Variants in TMEM132D observed in about 807,000 individuals in gnomAD.
TMEM132D encodes mature OL transmembrane protein.
TMEM132D carries 21 observed loss-of-function variants against 62.3 expected under a neutral mutation model. That is an observed-to-expected ratio of 0.34 (90% confidence interval 0.24 to 0.49). TMEM132D has a LOEUF of 0.49. Ranked by LOEUF, TMEM132D falls within the 20% of genes least tolerant of loss-of-function variation. TMEM132D has a pLI of 0.99. For missense variants in TMEM132D, 1,346 were observed against 1,402.8 expected (o/e 0.96, Z 0.65); for synonymous variants, 621 against 575.6 (o/e 1.08, Z -1.13).
chr12:129,687,447 A>C (rs1215111688), intron 2 of TMEM132D, among the ~76,000 whole-genome samples: 1 of 151,696 alleles, frequency 6.6e-6, no homozygotes, highest in Non-Finnish European at 1.5e-5. Context: ...TTATCTGAGG[A>C]GGGGTAGTAG....
intron 1 of TMEM132D, among the ~76,000 whole-genome samples, chr12:129,844,185 C>T (rs1468514221): frequency 1.3e-5 from 2 of 152,204 alleles, no homozygotes; most frequent in Non-Finnish European, 2.9e-5. Flanking sequence ...CATATTTCAA[C>T]ACATCTGAAG....
intron 3 of TMEM132D, among the ~76,000 whole-genome samples, chr12:129,529,442 C>T (rs189507997): frequency 2.0e-5 from 3 of 152,104 alleles, no homozygotes; most frequent in Admixed American, 1.3e-4. Flanking sequence ...CACCATTGGG[C>T]CCCCCCATGC....
At chr12:129,725,484 C>T (rs1593136806) in intron 1 of TMEM132D, among the ~76,000 whole-genome samples, 2 of 152,366 alleles carry the variant, frequency 1.3e-5, no homozygotes, top group East Asian at 3.9e-4. Flanking sequence ...ACCATTGGCT[C>T]TCATGCCATG....
rs549500321 is a variant in TMEM132D, at chr12:129,656,328, G to A, written c.968+43482C>T. Among the ~76,000 whole-genome samples the A allele has an allele frequency of 5.3e-5, 8 of 151,290 alleles. No individual in the cohort carries two copies. The South Asian group carries it at 1.7e-3, about 32-fold the overall frequency. ...AGGGAGGGAAAAGAGGAGGGAGAGAGAAAGAATGGAGGGCTTGAGGTCCCC... is the reference window on the plus strand; with the variant it reads ...AGGGAGGGAAAAGAGGAGGGAGAGAAAAAGAATGGAGGGCTTGAGGTCCCC... On this transcript the variant is annotated intron_variant, in intron 2 of 8. Transcript: ENST00000422113.
intron 2 of TMEM132D, among the ~76,000 whole-genome samples, chr12:129,605,917 C>A (rs1374459035): frequency 6.6e-6 from 1 of 152,006 alleles, no homozygotes; most frequent in Admixed American, 6.6e-5. Context: ...CTCAGCCGCC[C>A]CATAGAGCTG....
intron 4 of TMEM132D, among the ~76,000 whole-genome samples, chr12:129,291,581 G>A (rs573830830): frequency 2.0e-5 from 3 of 152,122 alleles, no homozygotes; most frequent in Admixed American, 2.0e-4. Flanking sequence ...CAAAGGCTAC[G>A]GAAAATGTCT....
intron 3 of TMEM132D, among the ~76,000 whole-genome samples, chr12:129,412,602 A>G (rs1322094770): frequency 6.6e-6 from 1 of 152,118 alleles, no homozygotes; most frequent in Admixed American, 6.6e-5. Flanking sequence ...CACACCTGTA[A>G]TCTCAGCACT....
chr12:129,649,924 GTA>G (rs1879885904), intron 2 of TMEM132D, among the ~76,000 whole-genome samples: 1 of 151,744 alleles, frequency 6.6e-6, no homozygotes, highest in African/African-American at 2.4e-5. Flanking sequence ...ACGTGTGTGT[GTA>G]TGTTTATGTA....
At chr12:129,474,678 A>C (rs1404534856) in intron 3 of TMEM132D, among the ~76,000 whole-genome samples, 1 of 152,156 alleles carries the variant, frequency 6.6e-6, no homozygotes, top group Non-Finnish European at 1.5e-5. Context: ...GTCATCATTA[A>C]CTTATAGGCT....
chr12:129,104,301 C>G (rs1875414490), intron 5 of TMEM132D, among the ~76,000 whole-genome samples: 1 of 151,722 alleles, frequency 6.6e-6, no homozygotes, highest in East Asian at 1.9e-4. Flanking sequence ...AAAGGATTCC[C>G]TATTTAATAA....
intron 4 of TMEM132D, among the ~76,000 whole-genome samples, chr12:129,296,270 C>T (rs780057171): frequency 1.5e-4 from 23 of 152,220 alleles, no homozygotes; most frequent in Middle Eastern, 3.4e-3. Context: ...ATTTTGAGTA[C>T]GTTATCTCAT....
chr12:129,859,390 A>G (rs1593189577), intron 1 of TMEM132D, among the ~76,000 whole-genome samples: 1 of 152,370 alleles, frequency 6.6e-6, no homozygotes, highest in South Asian at 2.1e-4. Context: ...AAAATGATTA[A>G]GACAGTGTTC....
intron 1 of TMEM132D, among the ~76,000 whole-genome samples, chr12:129,800,179 C>A (rs886538276): frequency 6.6e-6 from 1 of 152,030 alleles, no homozygotes; most frequent in Non-Finnish European, 1.5e-5. Flanking sequence ...ATTGGAATTG[C>A]CCCAGAAAGG....
At chr12:129,718,945 G>T (rs980240113) in intron 1 of TMEM132D, among the ~76,000 whole-genome samples, 1 of 151,952 alleles carries the variant, frequency 6.6e-6, no homozygotes, top group African/African-American at 2.4e-5. Context: ...TAATAAGAAA[G>T]CCACCCATGG....
In TMEM132D at chr12:129,298,920, C is replaced by G. The variant is rs767237034; in HGVS notation, c.1299+38714G>C. ...GCTGACGATAAACCTCCTCTTAGCA[C>G]GAGACTTAAAAGACACGGTCACTGG... is the stretch of plus-strand genomic sequence containing the variant. On this transcript the variant is annotated intron_variant, in intron 4 of 8. Transcript: ENST00000422113. 2.0e-5 allele frequency among the ~76,000 whole-genome samples: 3 copies of G among 152,176 alleles called. No individual in the cohort carries two copies. In the South Asian group the frequency reaches 6.2e-4, roughly 32 times the overall value.
intron 3 of TMEM132D, among the ~76,000 whole-genome samples, chr12:129,383,926 G>T (rs554225423): frequency 6.6e-6 from 1 of 152,192 alleles, no homozygotes; most frequent in Non-Finnish European, 1.5e-5. Context: ...ATAAGGACCC[G>T]GAATGAGGAA....
intron 5 of TMEM132D, among the ~76,000 whole-genome samples, chr12:129,186,478 C>T (rs1334723300): frequency 6.6e-6 from 1 of 152,208 alleles, no homozygotes; most frequent in Non-Finnish European, 1.5e-5. Context: ...CCACTTGACC[C>T]TCTATACCAT....
intron 3 of TMEM132D, among the ~76,000 whole-genome samples, chr12:129,474,158 A>C (rs901098736): frequency 6.6e-6 from 1 of 152,192 alleles, no homozygotes. Flanking sequence ...GGCACTAACC[A>C]ATCTTTTCAA....
At chr12:129,757,353 C>G (rs900218853) in intron 1 of TMEM132D, among the ~76,000 whole-genome samples, 3 of 152,102 alleles carry the variant, frequency 2.0e-5, no homozygotes, top group Non-Finnish European at 2.9e-5. Context: ...CATGTATTTG[C>G]AGAGGGGTCA....
Sources: allele counts gnomAD v4.1 joint callset (sites outside exome capture counted in the v4.1 genomes callset), GRCh38; gene constraint gnomAD v4.1.1; transcripts MANE v1.5; gene names NCBI Gene and HGNC (gene_info 2026-07-23, HGNC 2026-07-21).